The following DMD variants were observed in gnomAD, a reference collection of about 807,000 sequenced individuals.
DMD encodes mutant dystrophin.
A neutral mutation model predicts 330.1 loss-of-function variants in DMD; 63 were observed. That is an observed-to-expected ratio of 0.19 (90% confidence interval 0.16 to 0.24). The LOEUF (loss-of-function observed/expected upper bound fraction) is 0.24, where lower values mean the gene tolerates loss of function less well. DMD is among the 10% of genes least tolerant of loss of function. DMD has a pLI of 1.00. For missense variants in DMD, 3,344 were observed against 2,684.1 expected (o/e 1.25, Z -5.43); for synonymous variants, 1,223 against 959.8 (o/e 1.27, Z -5.07).
At chrX:31,946,176 G>C (rs1294909559) in intron 45 of DMD, among the ~76,000 whole-genome samples, 2 of 112,037 alleles carry the variant, frequency 1.8e-5, no homozygotes, top group East Asian at 2.8e-4. Flanking sequence ...TGTGGTGGTT[G>C]TAACAGTGAG....
At chrX:31,343,669 G>A (rs1217569868) in intron 61 of DMD, among the ~76,000 whole-genome samples, 3 of 109,801 alleles carry the variant, frequency 2.7e-5, no homozygotes, top group East Asian at 5.7e-4. Flanking sequence ...GAGAGAGAGA[G>A]AGAATAAGAT....
chrX:32,805,875 G>A (rs1227914992), intron 7 of DMD, among the ~76,000 whole-genome samples: 1 of 111,857 alleles, frequency 8.9e-6, no homozygotes, highest in Non-Finnish European at 1.9e-5. Flanking sequence ...TTAAAGACGA[G>A]CAAATGCTGA....
At chrX:33,173,556 T>G (rs5971690) in intron 1 of DMD, among the ~76,000 whole-genome samples, 17,308 of 110,493 alleles carry the variant, frequency 0.16, 1,616 homozygotes, top group East Asian at 0.44. Context: ...TCATTACTTT[T>G]GCTTCTTCTA....
At chrX:31,559,143 T>C (rs1204316691) in intron 55 of DMD, among the ~76,000 whole-genome samples, 1 of 112,484 alleles carries the variant, frequency 8.9e-6, no homozygotes, top group Non-Finnish European at 1.9e-5. Flanking sequence ...ATTCAGTAAG[T>C]GAGTCCAACA....
chrX:31,590,821 T>C (rs1403992410), intron 55 of DMD, among the ~76,000 whole-genome samples: 1 of 112,061 alleles, frequency 8.9e-6, no homozygotes, highest in Non-Finnish European at 1.9e-5. Flanking sequence ...TACTATGGCA[T>C]TAAGACTGAA....
At chrX:31,782,116 A>T (rs1447648484) in intron 50 of DMD, among the ~76,000 whole-genome samples, 1 of 111,528 alleles carries the variant, frequency 9.0e-6, no homozygotes, top group East Asian at 2.8e-4. Context: ...ATAATAAATA[A>T]TATTACACAG....
At chrX:33,202,536 G>C (rs1454173380) in intron 1 of DMD, among the ~76,000 whole-genome samples, 2 of 111,860 alleles carry the variant, frequency 1.8e-5, no homozygotes, top group African/African-American at 6.5e-5. Flanking sequence ...TGAAGATTAG[G>C]TGAATCTAGA....
At chrX:32,580,476 A>G (rs1016824726) in intron 13 of DMD, among the ~76,000 whole-genome samples, 3 of 111,949 alleles carry the variant, frequency 2.7e-5, no homozygotes, top group Non-Finnish European at 5.6e-5. Context: ...TAGTTTTCTC[A>G]CCAGTGAAAT....
chrX:32,567,392 T>C (rs1018146402), intron 15 of DMD, among the ~76,000 whole-genome samples: 5 of 111,183 alleles, frequency 4.5e-5, no homozygotes, highest in African/African-American at 1.6e-4. Context: ...TAGCAATAGG[T>C]AGGTGGTTTT....
At position 31,757,879 on chromosome X, in the gene DMD, T is replaced by C. The variant is rs902175870; in HGVS notation, c.7542+16081A>G. Among the ~76,000 whole-genome samples, 3 of 111,060 alleles carry C rather than the reference T, an allele frequency of 2.7e-5. No homozygotes were observed. In the South Asian group the frequency reaches 1.1e-3, roughly 43 times the overall value. ...CCTGGAGTAGCCCACATCCAGTGCA[T>C]GACTTGACACGGGGTTATAAAGATC... On this transcript the variant is annotated intron_variant, in intron 51 of 78. Coordinates refer to ENST00000357033, the MANE Select transcript of DMD (RefSeq NM_004006.3).
chrX:32,690,279 A>G (rs1319238044), intron 9 of DMD, among the ~76,000 whole-genome samples: 2 of 111,301 alleles, frequency 1.8e-5, no homozygotes. Flanking sequence ...AGCACCAAAA[A>G]GAAAACAGTA....
chrX:32,967,588 A>G (rs2147099889), intron 2 of DMD, among the ~76,000 whole-genome samples: 1 of 111,463 alleles, frequency 9.0e-6, no homozygotes, highest in African/African-American at 3.3e-5. Context: ...GCAGTGGCAA[A>G]CCCATCAGAG....
chrX:32,457,745 T>A (rs921769000), intron 25 of DMD, among the ~76,000 whole-genome samples: 2 of 109,324 alleles, frequency 1.8e-5, no homozygotes, highest in African/African-American at 6.6e-5. Flanking sequence ...CTGTTAGAGA[T>A]CTGACGAAAG....
intron 2 of DMD, among the ~76,000 whole-genome samples, chrX:32,936,554 C>G (rs1025833217): frequency 8.9e-6 from 1 of 111,988 alleles, no homozygotes; most frequent in Admixed American, 9.5e-5. Flanking sequence ...CAGCCCACTC[C>G]TAGCCCATGG....
intron 7 of DMD, among the ~76,000 whole-genome samples, chrX:32,743,561 G>C: frequency 9.0e-6 from 1 of 111,376 alleles, no homozygotes; most frequent in Non-Finnish European, 1.9e-5. Context: ...ATGAGTGTTA[G>C]AATGTTGTTG....
Position 31,172,408 on chromosome X carries a change from G to A in DMD, c.10334C>T (p.Ala3445Val). ...AGATCCATTGCTGTTTTCCATTTCTGCTAGCCTGATAAAAAACGTAAAAGC... is the reference window on the plus strand; with the variant it reads ...AGATCCATTGCTGTTTTCCATTTCTACTAGCCTGATAAAAAACGTAAAAGC... ...SRIEHYASRL[A>V]EMENSNGSYL... Residue 3445 changes from alanine (A) to valine (V), a missense_variant, in exon 73 of 79, where the codon GCA becomes GTA. By Grantham distance (64) the Ala-to-Val change is moderately conservative (BLOSUM62 0). Coordinates refer to ENST00000357033, the MANE Select transcript of DMD (RefSeq NM_004006.3). 1.7e-6 allele frequency: 2 copies of A among 1,194,703 alleles called. No individual in the cohort carries two copies. The highest frequency in any genetic ancestry group is 2.3e-6 in the Non-Finnish European group (2 of 880,779).
chrX:32,994,429 C>A lies in DMD; in HGVS notation c.93+25710G>T, dbSNP rs898401217. 4.5e-5 allele frequency among the ~76,000 whole-genome samples: 5 copies of A among 110,583 alleles called. No homozygotes were observed. In the East Asian group the frequency reaches 1.4e-3, roughly 31 times the overall value. The stretch of plus-strand genomic sequence containing the variant: ...GATTCTTTCTCCGTTTAGCCTTGAA[C>A]AAGTTATTTAACTATTCTCTGCTTT... On this transcript the variant is annotated intron_variant, in intron 2 of 78. Coordinates refer to ENST00000357033, the MANE Select transcript of DMD (RefSeq NM_004006.3).
intron 48 of DMD, among the ~76,000 whole-genome samples, chrX:31,846,505 C>G (rs970464602): frequency 5.5e-5 from 6 of 109,420 alleles, no homozygotes; most frequent in Non-Finnish European, 9.6e-5. Flanking sequence ...ATGGAAGAAA[C>G]AAACCTAAAA....
chrX:33,073,125 G>C (rs2094785095), intron 1 of DMD, among the ~76,000 whole-genome samples: 1 of 111,846 alleles, frequency 8.9e-6, no homozygotes, highest in South Asian at 3.7e-4. Context: ...GAATAAAAAA[G>C]TAATGTTTAT....
Sources: allele counts gnomAD v4.1 joint callset (sites outside exome capture counted in the v4.1 genomes callset), GRCh38; gene constraint gnomAD v4.1.1; transcripts MANE v1.5; gene names NCBI Gene and HGNC (gene_info 2026-07-23, HGNC 2026-07-21).